The following TIMP2 variants were observed in gnomAD, a reference collection of about 807,000 sequenced individuals.
The protein encoded by TIMP2 is TIMP metallopeptidase inhibitor 2.
Under a neutral mutation model 24.3 loss-of-function variants are expected in TIMP2, and 5 were observed. The observed-to-expected ratio is 0.21, with a 90% CI of 0.11 to 0.43. The LOEUF (loss-of-function observed/expected upper bound fraction) is 0.43. Among genes scored for constraint, TIMP2 ranks in the 20% least tolerant of loss-of-function variants. The pLI, the probability that TIMP2 is intolerant of heterozygous loss-of-function variation, is 1.00. For synonymous variants in TIMP2, 130 were observed against 123.2 expected (o/e 1.06, Z -0.37); for missense variants, 221 against 297.5 (o/e 0.74, Z 1.89).
intron 1 of TIMP2, among the ~76,000 whole-genome samples, chr17:78,910,776 T>G (rs893551374): frequency 9.9e-5 from 15 of 152,202 alleles, no homozygotes; most frequent in Admixed American, 9.2e-4. Context: ...CAAGATTTCA[T>G]TCTGTTTTAT....
chr17:78,899,950 G>T (rs1344656973), intron 1 of TIMP2: 2 of 152,226 alleles, frequency 1.3e-5, no homozygotes, highest in Non-Finnish European at 2.9e-5. Flanking sequence ...GCCAGAGAGA[G>T]AACATTTCCA....
chr17:78,862,162 G>A lies in TIMP2; in HGVS notation c.341-4516C>T, dbSNP rs193141138. 1.1e-4 allele frequency among the ~76,000 whole-genome samples: 16 copies of A among 152,298 alleles called. No individual in the cohort carries two copies. In the East Asian group the frequency reaches 2.1e-3, roughly 20 times the overall value. ...ACTCTGTATGAGTCTCCTGGTGCCC[G>A]ACTCGACACGTGAGACTGAGTCATC... On this transcript the variant is annotated intron_variant, in intron 3 of 4. Coordinates refer to ENST00000262768, the MANE Select transcript of TIMP2 (RefSeq NM_003255.5).
chr17:78,879,332 C>A (rs535112782), intron 1 of TIMP2, among the ~76,000 whole-genome samples: 1 of 152,350 alleles, frequency 6.6e-6, no homozygotes, highest in African/African-American at 2.4e-5. Context: ...ACCACCAGTT[C>A]TGTAGGGGAA....
At chr17:78,892,892 A>G (rs1356629571) in intron 1 of TIMP2, among the ~76,000 whole-genome samples, 1 of 152,160 alleles carries the variant, frequency 6.6e-6, no homozygotes, top group East Asian at 1.9e-4. Context: ...CCAAAGGGCA[A>G]GGGTTAGGAT....
At chr17:78,879,990 C>T (rs1035105557) in intron 1 of TIMP2, among the ~76,000 whole-genome samples, 2 of 151,940 alleles carry the variant, frequency 1.3e-5, no homozygotes, top group Admixed American at 6.6e-5. Flanking sequence ...GGTCAGACTT[C>T]GACAGTCACA....
rs1361231164 is a variant in TIMP2, at chr17:78,891,228, A to T, written c.131-17309T>A. On this transcript the variant is annotated intron_variant, in intron 1 of 4. Coordinates refer to ENST00000262768, the MANE Select transcript of TIMP2 (RefSeq NM_003255.5). The surrounding 1 kb of genome is among the most constrained non-coding windows in gnomAD (Gnocchi z 4.5). Reference sequence around the variant, plus strand: ...TTTTGGTTCTGGGCCTTGCCCATGAACGTTTTCAAGTCGGTCTTGGACGCT... The same window carrying T: ...TTTTGGTTCTGGGCCTTGCCCATGATCGTTTTCAAGTCGGTCTTGGACGCT... 6.4e-7 allele frequency: 1 copy of T among 1,550,512 alleles called. No homozygotes were observed. The highest frequency in any genetic ancestry group is 2.0e-5 in the Admixed American group (1 of 50,994).
chr17:78,865,910 C>T (rs1302506607), intron 3 of TIMP2, among the ~76,000 whole-genome samples: 1 of 152,156 alleles, frequency 6.6e-6, no homozygotes, highest in Non-Finnish European at 1.5e-5. Flanking sequence ...CCTTCCGCAG[C>T]GCTGCAGTTT....
At chr17:78,921,644 G>A (rs1047432747) in intron 1 of TIMP2, among the ~76,000 whole-genome samples, 1 of 152,204 alleles carries the variant, frequency 6.6e-6, no homozygotes, top group Non-Finnish European at 1.5e-5. Context: ...AGAGGGAGCC[G>A]GGCCAGCAGC....
chr17:78,876,034 T>C (rs1277618490), intron 1 of TIMP2, among the ~76,000 whole-genome samples: 1 of 152,150 alleles, frequency 6.6e-6, no homozygotes, highest in Admixed American at 6.5e-5. Context: ...ATCTAGGAAA[T>C]GTCTCCCGGC....
Position 78,864,002 on chromosome 17 carries a change from C to T in TIMP2, c.341-6356G>A, listed in dbSNP as rs895119909. Among the ~76,000 whole-genome samples the T allele has an allele frequency of 6.6e-5, 10 of 152,270 alleles. No individual in the cohort carries two copies. In the East Asian group the frequency reaches 1.5e-3, roughly 24 times the overall value. On this transcript the variant is annotated intron_variant, in intron 3 of 4. Transcript: ENST00000262768. ...AGGTGTCAGAGCACACATTCGAACT[C>T]GAGCAGGTGTTTTCAGAGCCTTCAC...
chr17:78,887,899 C>T (rs763297245), intron 1 of TIMP2, among the ~76,000 whole-genome samples: 5 of 152,130 alleles, frequency 3.3e-5, no homozygotes, highest in Non-Finnish European at 7.4e-5. Context: ...ACTGGAGAAG[C>T]TATGATCCTG....
Position 78,894,819 on chromosome 17 carries a change from G to GA in TIMP2, c.131-20901dup, listed in dbSNP as rs1000384917. The stretch of plus-strand genomic sequence containing the variant: ...AAGCTGAACATCATCAAAATTAAAA[G>GA]AAAAAAAAAACCTTTGTGCTTCAAA... On this transcript the variant is annotated intron_variant, in intron 1 of 4. Coordinates refer to ENST00000262768, the MANE Select transcript of TIMP2 (RefSeq NM_003255.5). 1.2e-3 allele frequency among the ~76,000 whole-genome samples: 180 copies of GA among 146,596 alleles called. 1 individual carries two copies. The highest frequency in any genetic ancestry group is 3.3e-3 in the African/African-American group (131 of 40,114).
rs1451514387 is a variant in TIMP2, at chr17:78,891,773, C to T, written c.131-17854G>A. The T allele has an allele frequency of 1.3e-6, 2 of 1,551,078 alleles. No individual in the cohort carries two copies. The highest frequency in any genetic ancestry group is 1.7e-6 in the Non-Finnish European group (2 of 1,147,132). On this transcript the variant is annotated intron_variant, in intron 1 of 4. Transcript: ENST00000262768. This position sits in a 1 kb window ranked among gnomAD's most constrained non-coding sequence, Gnocchi z 4.5. ...CCTTTCTAGGTCCGCCCCTTTGCTC[C>T]TCCGAGGATGGATGGCACAGCGGCC...
At position 78,855,247 on chromosome 17, in the gene TIMP2, T is replaced by C; in HGVS notation, c.*420A>G. ...CCCTCTCAAGATGAAAGGGACCTGGTAGGCCTGCTACACAGTCTTGCAACG... is the reference window on the plus strand; with the variant it reads ...CCCTCTCAAGATGAAAGGGACCTGGCAGGCCTGCTACACAGTCTTGCAACG... On this transcript the variant is annotated 3_prime_UTR_variant, in exon 5 of 5. Coordinates refer to ENST00000262768, the MANE Select transcript of TIMP2 (RefSeq NM_003255.5). The surrounding 1 kb of genome is among the most constrained non-coding windows in gnomAD (Gnocchi z 6.0). The C allele has an allele frequency of 4.9e-6, 1 of 205,630 alleles. No homozygotes were observed. The highest frequency in any genetic ancestry group is 1.0e-5 in the Non-Finnish European group (1 of 97,882). 12.7% of individuals were successfully genotyped at this position (205,630 alleles called of 1,614,324 possible).
chr17:78,857,646 C>A lies in TIMP2; in HGVS notation c.341G>T (p.Gly114Val). The A allele has an allele frequency of 6.2e-7, 1 of 1,614,126 alleles. No individual in the cohort carries two copies. Among genetic ancestry groups the A allele is most frequent in the East Asian group, 2.2e-5 (1 of 44,892 alleles). ...CATCTTGCCGTCCCCCTCGGCCTTT[C>A]CTGCGGAGAGACGGGGATCACCGAG... ...VGGKKEYLIA[G>V]KAEGDGKMHI... Residue 114 changes from glycine to valine, a missense_variant and splice_region_variant, in exon 4 of 5, where the codon GGA becomes GTA. Gly to Val is a moderately radical substitution (Grantham distance 109). Transcript: ENST00000262768.
chr17:78,923,766 A>C (rs1000112915), intron 1 of TIMP2, among the ~76,000 whole-genome samples: 1 of 152,084 alleles, frequency 6.6e-6, no homozygotes, highest in Admixed American at 6.5e-5. Flanking sequence ...GGTGCAACTG[A>C]AAACTTCCCC....
At chr17:78,881,206 C>A (rs1778895282) in intron 1 of TIMP2, among the ~76,000 whole-genome samples, 2 of 152,262 alleles carry the variant, frequency 1.3e-5, no homozygotes, top group Admixed American at 6.5e-5. Context: ...AGCCGTCCAC[C>A]CTCTTCTGCA....
rs2070293604 is a variant in TIMP2, at chr17:78,919,657, AC to A, written c.130+5301del. ...AGACCATCCCGGCTAACACGGTGAA[AC>A]CCCGTCTCTAATAAAAATTCAAAAA... On this transcript the variant is annotated intron_variant, in intron 1 of 4. Transcript: ENST00000262768. Among the ~76,000 whole-genome samples the A allele has an allele frequency of 2.0e-5, 3 of 152,134 alleles. No individual in the cohort carries two copies. The East Asian group carries it at 5.8e-4, about 29-fold the overall frequency.
rs2069502197 is a variant in TIMP2, at chr17:78,853,743, C to T, written c.*1924G>A. The T allele has an allele frequency of 1.3e-5, 2 of 152,370 alleles. No individual in the cohort carries two copies. Among genetic ancestry groups the T allele is most frequent in the African/African-American group, 4.8e-5 (2 of 41,338 alleles). 9.4% of individuals were successfully genotyped at this position (152,370 alleles called of 1,614,324 possible). On this transcript the variant is annotated 3_prime_UTR_variant, in exon 5 of 5. Transcript: ENST00000262768. ...CTACCAAGGGTAATAAAAAACACAGCACAGGAATGATTACAGCTGATGTCA... is the reference window on the plus strand; with the variant it reads ...CTACCAAGGGTAATAAAAAACACAGTACAGGAATGATTACAGCTGATGTCA...
Sources: allele counts gnomAD v4.1 joint callset (sites outside exome capture counted in the v4.1 genomes callset), GRCh38; gene constraint gnomAD v4.1.1; non-coding constraint Gnocchi (gnomAD v3.1); transcripts MANE v1.5; gene names NCBI Gene and HGNC (gene_info 2026-07-23, HGNC 2026-07-21).